PDE1A: variants seen among roughly 807,000 people sequenced by gnomAD.
PDE1A encodes the protein dual specificity calcium/calmodulin-dependent 3',5'-cyclic nucleotide phosphodiesterase 1A.
PDE1A carries 35 observed loss-of-function variants against 61.7 expected under a neutral mutation model. The ratio of observed to expected loss-of-function variants is 0.57; its 90% confidence interval spans 0.43 to 0.75. PDE1A has a LOEUF of 0.75. Among genes scored for constraint, PDE1A ranks in the 30% least tolerant of loss-of-function variants. The pLI, the probability that PDE1A is intolerant of heterozygous loss-of-function variation, is 0.00. For missense variants in PDE1A, 597 were observed against 630.6 expected (o/e 0.95, Z 0.57); for synonymous variants, 232 against 213.2 (o/e 1.09, Z -0.77).
At chr2:182,234,564 A>G in intron 3 of PDE1A, 66 bp from the exon 4 acceptor site, 2 of 1,010,136 alleles carry the variant, frequency 2.0e-6, no homozygotes, top group Non-Finnish European at 3.1e-6. Flanking sequence ...CTATTTCTTA[A>G]ATATCAGGGA....
chr2:182,300,803 T>A (rs958621554), intron 1 of PDE1A, among the ~76,000 whole-genome samples: 3 of 152,210 alleles, frequency 2.0e-5, no homozygotes, highest in African/African-American at 7.2e-5. Flanking sequence ...TTCTTGGCTA[T>A]TACACTTGTT....
At chr2:182,614,309 C>T in the PDE1A span, among the ~76,000 whole-genome samples, 1 of 152,080 alleles carries the variant, frequency 6.6e-6, no homozygotes, top group Non-Finnish European at 1.5e-5. Context: ...CTCTGAGAGG[C>T]ATTTTCTTTA....
intron 1 of PDE1A, among the ~76,000 whole-genome samples, chr2:182,330,500 C>T (rs906930688): frequency 3.9e-5 from 6 of 152,166 alleles, no homozygotes; most frequent in Admixed American, 3.9e-4. Context: ...TTTCTCTGAT[C>T]CTTAAATGTT....
the PDE1A span, among the ~76,000 whole-genome samples, chr2:182,561,968 G>T: frequency 4.8e-4 from 73 of 152,140 alleles, no homozygotes; most frequent in Middle Eastern, 3.4e-3. Context: ...TGAGACAATG[G>T]TGTTTTCTAG....
At chr2:182,339,132 A>T (rs1205985801) in intron 1 of PDE1A, among the ~76,000 whole-genome samples, 1 of 152,164 alleles carries the variant, frequency 6.6e-6, no homozygotes, top group Non-Finnish European at 1.5e-5. Context: ...ACCACTGCAT[A>T]AAAGAAAATT....
intron 10 of PDE1A, among the ~76,000 whole-genome samples, chr2:182,193,976 T>C (rs1362686415): frequency 6.6e-6 from 1 of 152,158 alleles, no homozygotes; most frequent in Non-Finnish European, 1.5e-5. Flanking sequence ...AAATTTATTT[T>C]GAAATAACAC....
the PDE1A span, among the ~76,000 whole-genome samples, chr2:182,640,910 C>T: frequency 6.6e-6 from 1 of 150,450 alleles, no homozygotes; most frequent in Non-Finnish European, 1.5e-5. Context: ...ATCCCAGCCA[C>T]CTGGGAGGCT....
intron 13 of PDE1A, among the ~76,000 whole-genome samples, chr2:182,180,244 T>C (rs1406265336): frequency 4.6e-5 from 7 of 152,198 alleles, no homozygotes; most frequent in Non-Finnish European, 1.0e-4. Context: ...TAGATACATA[T>C]ATAAAGCACA....
At chr2:182,587,742 T>A in the PDE1A span, among the ~76,000 whole-genome samples, 1 of 152,222 alleles carries the variant, frequency 6.6e-6, no homozygotes, top group Non-Finnish European at 1.5e-5. Context: ...TAGAGTTCAC[T>A]GGGGAATTTC....
At chr2:182,668,419 G>A in the PDE1A span, among the ~76,000 whole-genome samples, 1 of 151,972 alleles carries the variant, frequency 6.6e-6, no homozygotes, top group Non-Finnish European at 1.5e-5. Context: ...TCACTTCAGT[G>A]GAGACTAGCA....
the PDE1A span, among the ~76,000 whole-genome samples, chr2:182,598,801 C>T: frequency 6.6e-6 from 1 of 152,186 alleles, no homozygotes; most frequent in African/African-American, 2.4e-5. Context: ...ATTACAGTTA[C>T]TATTACTGCG....
intron 1 of PDE1A, among the ~76,000 whole-genome samples, chr2:182,370,848 A>G (rs1700090885): frequency 6.6e-6 from 1 of 152,202 alleles, no homozygotes; most frequent in Admixed American, 6.5e-5. Flanking sequence ...CGTTGAATGC[A>G]TTATCATTGA....
intron 1 of PDE1A, among the ~76,000 whole-genome samples, chr2:182,313,000 T>G (rs1317207049): frequency 6.6e-6 from 1 of 152,240 alleles, no homozygotes; most frequent in Non-Finnish European, 1.5e-5. Flanking sequence ...TTTTAATACA[T>G]AGATCTTGCA....
At chr2:182,674,109 G>C in the PDE1A span, among the ~76,000 whole-genome samples, 1 of 151,246 alleles carries the variant, frequency 6.6e-6, no homozygotes, top group Non-Finnish European at 1.5e-5. Flanking sequence ...AATAGAAAAT[G>C]TATAGAATTT....
chr2:182,599,663 C>G, the PDE1A span, among the ~76,000 whole-genome samples: 2 of 151,664 alleles, frequency 1.3e-5, no homozygotes, highest in African/African-American at 4.9e-5. Context: ...TACAGAATGC[C>G]CCCACTAGAT....
At chr2:182,210,844 G>A (rs1687524913) in intron 7 of PDE1A, among the ~76,000 whole-genome samples, 3 of 151,920 alleles carry the variant, frequency 2.0e-5, no homozygotes, top group Admixed American at 2.0e-4. Flanking sequence ...TATAAGGCCT[G>A]TGTCTTAGTG....
the PDE1A span, among the ~76,000 whole-genome samples, chr2:182,586,647 C>T: frequency 1.3e-5 from 2 of 152,152 alleles, no homozygotes; most frequent in African/African-American, 4.8e-5. Flanking sequence ...ACAGTGGCCT[C>T]TACTGACTAG....
At chr2:182,699,406 T>C in the PDE1A span, among the ~76,000 whole-genome samples, 1 of 152,226 alleles carries the variant, frequency 6.6e-6, no homozygotes, top group Non-Finnish European at 1.5e-5. Context: ...AAAATTGATT[T>C]TATCAGCTCA....
the PDE1A span, among the ~76,000 whole-genome samples, chr2:182,661,018 T>A: frequency 6.6e-5 from 10 of 152,236 alleles, no homozygotes; most frequent in Admixed American, 2.0e-4. Flanking sequence ...ATGCCTAGTA[T>A]TGGTTTTTGT....
Sources: gnomAD v4.1 joint callset for allele counts (sites outside exome capture counted in the v4.1 genomes callset) on GRCh38, gnomAD v4.1.1 for gene constraint, MANE v1.5 for transcripts, NCBI Gene and HGNC (gene_info 2026-07-23, HGNC 2026-07-21) for gene names.